BMPR1B: variants seen among roughly 807,000 people sequenced by gnomAD.
The protein encoded by BMPR1B is bone morphogenetic protein receptor type 1B.
A neutral mutation model predicts 59.1 loss-of-function variants in BMPR1B; 12 were observed. The ratio of observed to expected loss-of-function variants is 0.20; its 90% CI spans 0.13 to 0.33. The LOEUF (loss-of-function observed/expected upper bound fraction) is 0.33, where lower values mean the gene tolerates loss of function less well. Among genes scored for constraint, BMPR1B ranks in the 10% least tolerant of loss-of-function variants. BMPR1B has a pLI of 1.00. For synonymous variants in BMPR1B, 237 were observed against 207.3 expected (o/e 1.14, Z -1.23); for missense variants, 550 against 610.9 (o/e 0.90, Z 1.05).
chr4:95,091,643 A>G (rs1455570426), intron 3 of BMPR1B: 2 of 984,950 alleles, frequency 2.0e-6, no homozygotes, highest in Non-Finnish European at 2.4e-6. Context: ...TAGTGGGAGA[A>G]GCTTTATATC....
At chr4:94,780,085 T>C (rs924660819) in intron 1 of BMPR1B, among the ~76,000 whole-genome samples, 6 of 152,186 alleles carry the variant, frequency 3.9e-5, no homozygotes, top group African/African-American at 1.4e-4. Context: ...ATCTTTTTAA[T>C]TGCCTGCTAG....
chr4:94,962,032 A>G (rs559653260), intron 2 of BMPR1B, among the ~76,000 whole-genome samples: 33 of 151,754 alleles, frequency 2.2e-4, no homozygotes, highest in Middle Eastern at 3.4e-3. Flanking sequence ...AAACATAGAA[A>G]CTAGATTTTA....
At chr4:94,873,487 A>G (rs1726585789) in intron 1 of BMPR1B, among the ~76,000 whole-genome samples, 1 of 151,420 alleles carries the variant, frequency 6.6e-6, no homozygotes, top group South Asian at 2.1e-4. Flanking sequence ...GCTCACTGCA[A>G]CTTCTGCCTC....
intron 1 of BMPR1B, among the ~76,000 whole-genome samples, chr4:94,773,732 A>T (rs577972531): frequency 1.3e-5 from 2 of 152,214 alleles, no homozygotes; most frequent in Non-Finnish European, 2.9e-5. Flanking sequence ...TTCTGTGATT[A>T]CAAATTTTCA....
chr4:94,939,872 G>A (rs1729443697), intron 2 of BMPR1B, among the ~76,000 whole-genome samples: 1 of 152,276 alleles, frequency 6.6e-6, no homozygotes, highest in Non-Finnish European at 1.5e-5. Context: ...AAAATTGAAG[G>A]AAGTCAAGAC....
chr4:95,067,523 G>C (rs1402378409), intron 3 of BMPR1B, among the ~76,000 whole-genome samples: 1 of 152,128 alleles, frequency 6.6e-6, no homozygotes, highest in Admixed American at 6.5e-5. Context: ...AAATGAAAAT[G>C]GAATGAAGCC....
At chr4:94,942,869 A>G (rs944075163) in intron 2 of BMPR1B, among the ~76,000 whole-genome samples, 4 of 152,200 alleles carry the variant, frequency 2.6e-5, no homozygotes, top group Admixed American at 6.5e-5. Context: ...TGGGCAGAAT[A>G]AAACTGATTA....
rs1249767493 is a variant in BMPR1B at position 94,902,080 on chromosome 4, TGTGTGTGG to T, written c.-113+26182_-113+26189del. ...GTGTGTGTGTGTGTGTGTGTGTGTG[TGTGTGTGG>T]GGTGTATTTAAAGGAAACAACTTGA... On this transcript the variant is annotated intron_variant, in intron 2 of 12. Coordinates refer to ENST00000515059, the MANE Select transcript of BMPR1B (RefSeq NM_001203.3). 7.7e-3 allele frequency among the ~76,000 whole-genome samples: 1,119 copies of T among 145,396 alleles called. 22 individuals are homozygous for T. The highest frequency in any genetic ancestry group is 0.027 in the African/African-American group (1,056 of 39,054).
intron 1 of BMPR1B, among the ~76,000 whole-genome samples, chr4:94,854,795 A>G (rs977696426): frequency 3.9e-5 from 6 of 152,184 alleles, no homozygotes; most frequent in African/African-American, 1.2e-4. Flanking sequence ...CAAAAATGCG[A>G]TAACTTATTT....
intron 3 of BMPR1B, among the ~76,000 whole-genome samples, chr4:95,075,391 T>G (rs1380881657): frequency 6.6e-6 from 1 of 152,168 alleles, no homozygotes; most frequent in Non-Finnish European, 1.5e-5. Context: ...GTTTTTTAGA[T>G]GCATGATAGC....
intron 1 of BMPR1B, among the ~76,000 whole-genome samples, chr4:94,795,607 G>A (rs1723157635): frequency 6.6e-6 from 1 of 152,030 alleles, no homozygotes; most frequent in Non-Finnish European, 1.5e-5. Context: ...GGGATTATAG[G>A]TGTGTACCAC....
rs1387398790 is a variant in BMPR1B at position 94,950,399 on chromosome 4, C to A, written c.-112-45641C>A. On this transcript the variant is annotated intron_variant, in intron 2 of 12. Coordinates refer to ENST00000515059, the MANE Select transcript of BMPR1B (RefSeq NM_001203.3). ...TCCTGAATGGTATTGCCTAGGTTTT[C>A]TTCTGGGGTTTTTATGGTTTTAGGT... 4.6e-5 allele frequency among the ~76,000 whole-genome samples: 7 copies of A among 152,136 alleles called. No homozygotes were observed. The East Asian group carries it at 1.2e-3, about 25-fold the overall frequency.
At chr4:94,943,128 A>G (rs910018131) in intron 2 of BMPR1B, among the ~76,000 whole-genome samples, 1 of 151,852 alleles carries the variant, frequency 6.6e-6, no homozygotes, top group Admixed American at 6.6e-5. Context: ...GTCGGCCTGG[A>G]TACATCCACT....
At chr4:94,766,083 A>C (rs577909028) in intron 1 of BMPR1B, among the ~76,000 whole-genome samples, 1 of 152,336 alleles carries the variant, frequency 6.6e-6, no homozygotes, top group South Asian at 2.1e-4. Context: ...CATAGTAAAC[A>C]CAAGCGTTTG....
Position 95,003,135 on chromosome 4 carries a change from C to G in BMPR1B, c.-18+7001C>G, listed in dbSNP as rs562673045. 2.6e-5 allele frequency among the ~76,000 whole-genome samples: 4 copies of G among 151,974 alleles called. No homozygotes were observed. The East Asian group carries it at 7.8e-4, about 29-fold the overall frequency. On this transcript the variant is annotated intron_variant, in intron 3 of 12. Coordinates refer to ENST00000515059, the MANE Select transcript of BMPR1B (RefSeq NM_001203.3). Reference sequence around the variant, plus strand: ...TTGAAATATTTTTATTAAAGCTAACCAATATTTTCTCAATATCTTTTGAAA... The same window carrying G: ...TTGAAATATTTTTATTAAAGCTAACGAATATTTTCTCAATATCTTTTGAAA...
At chr4:95,017,809 A>C (rs558684646) in intron 3 of BMPR1B, among the ~76,000 whole-genome samples, 81 of 152,340 alleles carry the variant, frequency 5.3e-4, no homozygotes, top group Middle Eastern at 6.8e-3. Context: ...CAAAGAGTCT[A>C]CATTTTATTC....
At chr4:95,076,478 G>A (rs192392792) in intron 3 of BMPR1B, among the ~76,000 whole-genome samples, 58 of 152,168 alleles carry the variant, frequency 3.8e-4, no homozygotes, top group Non-Finnish European at 7.1e-4. Flanking sequence ...TTTGAAGATT[G>A]TAGCTAATAG....
chr4:94,946,161 A>C (rs908380855), intron 2 of BMPR1B, among the ~76,000 whole-genome samples: 1 of 152,200 alleles, frequency 6.6e-6, no homozygotes, highest in African/African-American at 2.4e-5. Context: ...ATGGAATGTT[A>C]GTGAGTATAT....
chr4:95,133,947 A>G (rs574229725), intron 10 of BMPR1B, among the ~76,000 whole-genome samples: 1 of 151,438 alleles, frequency 6.6e-6, no homozygotes. Flanking sequence ...TTACATATGT[A>G]TACGTGTGCC....
Sources: gnomAD v4.1 joint callset for allele counts (sites outside exome capture counted in the v4.1 genomes callset) on GRCh38, gnomAD v4.1.1 for gene constraint, MANE v1.5 for transcripts, NCBI Gene and HGNC (gene_info 2026-07-23, HGNC 2026-07-21) for gene names.